C1orf141: variants seen among roughly 807,000 people sequenced by gnomAD.
C1orf141 encodes the protein chromosome 1 open reading frame 141.
A neutral mutation model predicts 23.2 loss-of-function variants in C1orf141; 19 were observed. The observed-to-expected ratio is 0.82, with a 90% CI of 0.57 to 1.20. The LOEUF (loss-of-function observed/expected upper bound fraction) is 1.20. Ranked by LOEUF, C1orf141 falls within the 50% of genes most tolerant of loss-of-function variation. C1orf141 has a pLI of 0.00. For missense variants in C1orf141, 469 were observed against 455.1 expected, an observed-to-expected ratio of 1.03 and a Z score of -0.28; for synonymous variants, 153 against 154.6, an observed-to-expected ratio of 0.99 and a Z score of 0.08.
intron 5 of C1orf141, among the ~76,000 whole-genome samples, chr1:67,096,690 G>C (rs771525645): frequency 4.6e-5 from 7 of 152,218 alleles, no homozygotes; most frequent in Non-Finnish European, 8.8e-5. Flanking sequence ...ATATCAAACA[G>C]ATCTTGCCAT....
At chr1:67,140,299 A>C (rs1321929496) in intron 1 of C1orf141, among the ~76,000 whole-genome samples, 1 of 152,212 alleles carries the variant, frequency 6.6e-6, no homozygotes, top group Non-Finnish European at 1.5e-5. Flanking sequence ...AAAAAAAGTC[A>C]TTAAAAATGT....
chr1:67,130,635 CTAAGAG>C (rs1474437301), intron 2 of C1orf141, among the ~76,000 whole-genome samples: 1 of 152,084 alleles, frequency 6.6e-6, no homozygotes, highest in Non-Finnish European at 1.5e-5. Flanking sequence ...AAATAGTTTG[CTAAGAG>C]TAAATTATTT....
At chr1:67,135,154 A>G (rs1646574637), upstream of C1orf141, among the ~76,000 whole-genome samples, 6 of 152,252 alleles carry the variant, frequency 3.9e-5, no homozygotes, top group South Asian at 1.2e-3. Flanking sequence ...ATTAAAACCG[A>G]TTATGCTGAA....
chr1:67,130,964 T>C (rs554248328), intron 2 of C1orf141, among the ~76,000 whole-genome samples, 178 bp downstream of exon 2: 1 of 152,348 alleles, frequency 6.6e-6, no homozygotes, highest in South Asian at 2.1e-4. Flanking sequence ...TTCATCATTA[T>C]ATTTCATAAG....
chr1:67,123,703 C>A (rs928627706), intron 4 of C1orf141: 1 of 152,178 alleles, frequency 6.6e-6, no homozygotes, highest in Non-Finnish European at 1.5e-5. Flanking sequence ...TACTCCTAAG[C>A]TTCCCTAGAA....
intron 2 of C1orf141, among the ~76,000 whole-genome samples, chr1:67,129,400 G>C (rs116720928): frequency 0.05 from 7,570 of 152,210 alleles, 221 homozygotes; most frequent in Admixed American, 0.095. Flanking sequence ...AGGAGTTTGA[G>C]GCTGCAGTGA....
intron 5 of C1orf141, among the ~76,000 whole-genome samples, chr1:67,110,185 G>T (rs1363985930): frequency 6.6e-6 from 1 of 152,012 alleles, no homozygotes; most frequent in Non-Finnish European, 1.5e-5. Flanking sequence ...ACTTGACCTA[G>T]GGAAGAAGTG....
intron 5 of C1orf141, among the ~76,000 whole-genome samples, chr1:67,101,449 AGTGTGTGTGT>A (rs10688535): frequency 6.7e-5 from 9 of 135,288 alleles, no homozygotes; most frequent in African/African-American, 8.4e-5. Flanking sequence ...TGAATGTAAG[AGTGTGTGTGT>A]GTGTGTGTGT....
chr1:67,095,497 T>C (rs1645656614), intron 6 of C1orf141, 76 bp from the exon 7 acceptor site: 1 of 827,580 alleles, frequency 1.2e-6, no homozygotes, highest in South Asian at 2.0e-5. Context: ...CCTCCTTTTA[T>C]CCCTGGAAGT....
At chr1:67,132,598 C>T (rs1298303610) in intron 1 of C1orf141, among the ~76,000 whole-genome samples, 1 of 152,108 alleles carries the variant, frequency 6.6e-6, no homozygotes, top group Non-Finnish European at 1.5e-5. Flanking sequence ...CAAGAATTGA[C>T]TTATCCACCT....
At chr1:67,134,289 C>G (rs1289606173) in intron 1 of C1orf141, among the ~76,000 whole-genome samples, 1 of 151,192 alleles carries the variant, frequency 6.6e-6, no homozygotes, top group Non-Finnish European at 1.5e-5. Context: ...CAGGCGTAAG[C>G]CAACGCGCCG....
intron 3 of C1orf141, among the ~76,000 whole-genome samples, chr1:67,126,457 C>T (rs1454124755): frequency 6.6e-6 from 1 of 152,184 alleles, no homozygotes; most frequent in Non-Finnish European, 1.5e-5. Context: ...AAAATTATCT[C>T]AGAGCATAGC....
rs771472071 is a variant in C1orf141, at chr1:67,093,371, A to T, written c.837T>A (p.Asp279Glu). 4.6e-5 allele frequency: 75 copies of T among 1,613,738 alleles called. No homozygotes were observed. The highest frequency in any genetic ancestry group is 6.1e-5 in the Non-Finnish European group (72 of 1,179,842). Residue 279 changes from aspartate to glutamate, a missense_variant, in exon 8 of 8, where the codon GAT (aspartate) becomes GAA (glutamate). Physicochemically the swap from Asp to Glu is conservative, Grantham distance 45. This residue lies in a region of C1orf141 where 370 missense variants were observed against 348.1 expected (regional missense o/e 1.06). Coordinates refer to ENST00000684719, the MANE Select transcript of C1orf141 (RefSeq NM_001276351.2). ...QKTMPTVQRK[D>E]IQIPMSFKAG... Reference sequence around the variant, plus strand: ...CTTTAAAAGACATAGGGATCTGTATATCTTTTCTCTGTACTGTAGGCATAG... The same window carrying T: ...CTTTAAAAGACATAGGGATCTGTATTTCTTTTCTCTGTACTGTAGGCATAG...
chr1:67,128,197 A>G (rs2102499420), intron 2 of C1orf141, among the ~76,000 whole-genome samples: 1 of 152,124 alleles, frequency 6.6e-6, no homozygotes, highest in Middle Eastern at 3.4e-3. Context: ...AGCAGTCCAT[A>G]TTAAGCTTAG....
Position 67,133,800 on chromosome 1 carries a change from AAAACAACCC to A in C1orf141, c.-104+1121_-104+1129del, listed in dbSNP as rs767588648. 7.2e-4 allele frequency among the ~76,000 whole-genome samples: 110 copies of A among 152,252 alleles called. 1 individual carries two copies. The highest frequency in any genetic ancestry group is 1.3e-3 in the Non-Finnish European group (86 of 68,012). ...AAGCCAAGGAGCGAGGCCTCTGAAG[AAAACAACCC>A]TGCCCACCTCTCCATTTCCAACTTT... On this transcript the variant is annotated intron_variant, in intron 1 of 7. Transcript: ENST00000684719.
chr1:67,093,446 G>T lies in C1orf141; in HGVS notation c.762C>A (p.Leu254=), dbSNP rs530622371. 4.3e-6 allele frequency: 7 copies of T among 1,611,124 alleles called. No homozygotes were observed. Among genetic ancestry groups the T allele is most frequent in the African/African-American group, 1.3e-5 (1 of 74,854 alleles). Reference sequence around the variant, plus strand: ...TAGATTGATTGCCAATTATAGATTTGAGGATTTCACAATTTCTTTCTAAAA... The same window carrying T: ...TAGATTGATTGCCAATTATAGATTTTAGGATTTCACAATTTCTTTCTAAAA... ...NFILERNCEI[L]KSIIGNQSIS... The change falls in exon 8 of 8, where the codon CTC becomes CTA. Residue 254 remains leucine, a synonymous_variant. Transcript: ENST00000684719.
chr1:67,123,356 T>C (rs1646338822), intron 4 of C1orf141: 1 of 152,186 alleles, frequency 6.6e-6, no homozygotes. Flanking sequence ...ATGTATTGAA[T>C]TAAAAACTAA....
At chr1:67,131,341 G>A (rs1646512840) in intron 1 of C1orf141, 114 bp from the exon 2 acceptor site, 1 of 152,336 alleles carries the variant, frequency 6.6e-6, no homozygotes, top group Admixed American at 6.5e-5. Context: ...CATGAACCCG[G>A]GAGATGGAGG....
At chr1:67,100,260 A>G (rs1468020851) in intron 5 of C1orf141, among the ~76,000 whole-genome samples, 2 of 152,114 alleles carry the variant, frequency 1.3e-5, no homozygotes, top group African/African-American at 4.8e-5. Flanking sequence ...TTCCCTCAAA[A>G]TACTATCTTG....
Sources: gnomAD v4.1 joint callset for allele counts (sites outside exome capture counted in the v4.1 genomes callset) on GRCh38, gnomAD v4.1.1 for gene constraint, gnomAD v4.1.1 regional missense constraint, MANE v1.5 for transcripts, NCBI Gene and HGNC (gene_info 2026-07-23, HGNC 2026-07-21) for gene names.